TP53INP1: variants seen among roughly 807,000 people sequenced by gnomAD.
TP53INP1 encodes tumor protein p53 inducible nuclear protein 1.
TP53INP1 carries 12 observed loss-of-function variants against 21.0 expected under a neutral mutation model. That is an observed-to-expected ratio of 0.57 (90% CI 0.37 to 0.93). The LOEUF (loss-of-function observed/expected upper bound fraction) is 0.93. TP53INP1 is among the 40% of genes least tolerant of loss of function. The probability of loss-of-function intolerance (pLI) is 0.01; values close to 1 mark genes in which losing one functional copy is unlikely to be tolerated. For synonymous variants in TP53INP1, 91 were observed against 94.8 expected (o/e 0.96, Z 0.23); for missense variants, 274 against 294.7 (o/e 0.93, Z 0.51).
At chr8:94,940,795 G>A in intron 2 of TP53INP1, 35 bp downstream of exon 2, 1 of 1,510,584 alleles carries the variant, frequency 6.6e-7, no homozygotes, top group Non-Finnish European at 9.1e-7. Context: ...TTTTTACTGT[G>A]AAGATGAACC....
Position 94,940,180 on chromosome 8 carries a change from C to CTCT in TP53INP1, c.150_152dup (p.Glu52dup), listed in dbSNP as rs563445319. The CTCT allele has an allele frequency of 6.8e-6, 11 of 1,609,182 alleles. No individual in the cohort carries two copies. The highest frequency in any genetic ancestry group is 1.6e-4 in the Middle Eastern group (1 of 6,064). On this transcript the variant is annotated inframe_insertion, in exon 3 of 4. Coordinates refer to ENST00000342697, the MANE Select transcript of TP53INP1 (RefSeq NM_033285.4). ...TAGGTGACTCTTCACTGATGTCCTC[C>CTCT]TCTTCTTCTTCTTCTTCTGCTGAGA... is the stretch of plus-strand genomic sequence containing the variant.
rs534158762 is a variant in TP53INP1 at position 94,928,075 on chromosome 8, A to G, written c.*2404T>C. 7.9e-5 allele frequency: 12 copies of G among 152,296 alleles called. No homozygotes were observed. Among genetic ancestry groups the G allele is most frequent in the Admixed American group, 7.8e-4 (12 of 15,294 alleles). 9.4% of individuals were successfully genotyped at this position (152,296 alleles called of 1,614,324 possible). A position where few individuals can be genotyped will look rare whatever the true frequency, so the allele number is the denominator to read the frequency against. On this transcript the variant is annotated 3_prime_UTR_variant, in exon 4 of 4. Transcript: ENST00000342697. ...GAATTATATAACCATTTTCTTCAATACTTACATGTGCCAATTTTAGGCAGA... is the reference window on the plus strand; with the variant it reads ...GAATTATATAACCATTTTCTTCAATGCTTACATGTGCCAATTTTAGGCAGA...
At chr8:94,932,158 C>A in intron 3 of TP53INP1, 1 of 1,568,398 alleles carries the variant, frequency 6.4e-7, no homozygotes, top group Admixed American at 1.8e-5. Flanking sequence ...ATTTAAAATG[C>A]TATTGTAACT....
intron 1 of TP53INP1, among the ~76,000 whole-genome samples, chr8:94,943,330 T>A (rs531906302): frequency 9.2e-5 from 14 of 152,110 alleles, no homozygotes; most frequent in Middle Eastern, 3.4e-3. Context: ...TACAAAAAAA[T>A]TTTAAAAAAT....
chr8:94,944,479 G>A (rs1010710260), intron 1 of TP53INP1, among the ~76,000 whole-genome samples: 17 of 152,206 alleles, frequency 1.1e-4, no homozygotes, highest in African/African-American at 4.1e-4. Context: ...AGGCTTCTCT[G>A]GAGGAGCTTT....
intron 1 of TP53INP1, among the ~76,000 whole-genome samples, chr8:94,944,001 A>G (rs1821781175): frequency 6.6e-6 from 1 of 152,242 alleles, no homozygotes; most frequent in South Asian, 2.1e-4. Flanking sequence ...AAGTTATCAT[A>G]AGGTCTGATG....
At chr8:94,937,134 T>C (rs888666077) in intron 3 of TP53INP1, among the ~76,000 whole-genome samples, 5 of 152,144 alleles carry the variant, frequency 3.3e-5, no homozygotes, top group Non-Finnish European at 5.9e-5. Flanking sequence ...TGGATGTGGA[T>C]AGTTAACTGT....
At chr8:94,937,513 T>G (rs1335039736) in intron 3 of TP53INP1, among the ~76,000 whole-genome samples, 1 of 152,016 alleles carries the variant, frequency 6.6e-6, no homozygotes, top group East Asian at 1.9e-4. Context: ...CACAAGATTT[T>G]CCTGTTTTTC....
At position 94,927,225 on chromosome 8, in the gene TP53INP1, C is replaced by A. The variant is rs1289254164; in HGVS notation, c.*3254G>T. 2 of 152,530 alleles carry A rather than the reference C, an allele frequency of 1.3e-5. No individual in the cohort carries two copies. The highest frequency in any genetic ancestry group is 2.9e-5 in the Non-Finnish European group (2 of 68,014). The allele number at this position is 152,530 out of a possible 1,614,324, so 9.4% of individuals were successfully genotyped here. A position where few individuals can be genotyped will look rare whatever the true frequency, so the allele number is the denominator to read the frequency against. ...AGAGAAAATGAGAATAATGAAGATA[C>A]TCTTCCTTGCTCGTTTTTCTTAAGA... On this transcript the variant is annotated 3_prime_UTR_variant, in exon 4 of 4. Coordinates refer to ENST00000342697, the MANE Select transcript of TP53INP1 (RefSeq NM_033285.4).
intron 1 of TP53INP1, among the ~76,000 whole-genome samples, chr8:94,946,655 C>T (rs1822019192): frequency 7.8e-6 from 1 of 128,900 alleles, no homozygotes; most frequent in Non-Finnish European, 1.6e-5. Flanking sequence ...TGTGATCCCA[C>T]CACTACACTC....
At chr8:94,937,850 C>T (rs1256826764) in intron 3 of TP53INP1, among the ~76,000 whole-genome samples, 1 of 152,086 alleles carries the variant, frequency 6.6e-6, no homozygotes, top group African/African-American at 2.4e-5. Context: ...GTGGTAAAAA[C>T]AGCCTACTAA....
Position 94,930,738 on chromosome 8 carries a change from A to G in TP53INP1, c.474-10T>C. 6.2e-7 allele frequency: 1 copy of G among 1,612,786 alleles called. No individual in the cohort carries two copies. Among genetic ancestry groups the G allele is most frequent in the Non-Finnish European group, 8.5e-7 (1 of 1,179,310 alleles). On this transcript the variant is annotated splice_polypyrimidine_tract_variant and intron_variant, in intron 3 of 3. Transcript: ENST00000342697. ...ATTTTGAGCTTCCACTCTGAAACAG[A>G]AAAAAGTGGGGATGTATTAAATAAC...
At chr8:94,934,873 T>TA (rs1339607075) in intron 3 of TP53INP1, among the ~76,000 whole-genome samples, 2 of 152,184 alleles carry the variant, frequency 1.3e-5, no homozygotes, top group Non-Finnish European at 2.9e-5. Context: ...AAGTGCCAGT[T>TA]AAAGTAACAT....
At chr8:94,946,622 A>G (rs527271562) in intron 1 of TP53INP1, among the ~76,000 whole-genome samples, 1 of 143,902 alleles carries the variant, frequency 6.9e-6, no homozygotes, top group South Asian at 2.3e-4. Flanking sequence ...GCTTGAGCCC[A>G]TGAGTTTGAA....
intron 3 of TP53INP1, among the ~76,000 whole-genome samples, chr8:94,932,666 G>A (rs1820533592): frequency 6.6e-6 from 1 of 152,156 alleles, no homozygotes; most frequent in Non-Finnish European, 1.5e-5. Context: ...AGCTGGGTGC[G>A]GTGGCGGGCG....
At chr8:94,948,678 G>A (rs1352486780) in intron 1 of TP53INP1, among the ~76,000 whole-genome samples, 1 of 152,144 alleles carries the variant, frequency 6.6e-6, no homozygotes, top group Non-Finnish European at 1.5e-5. Context: ...TCGGAGATGC[G>A]TCCCGGGGGT....
In TP53INP1 at chr8:94,940,863, C is replaced by T. The variant is rs369359431; in HGVS notation, c.79G>A (p.Glu27Lys). 1.2e-6 allele frequency: 2 copies of T among 1,613,590 alleles called. No homozygotes were observed. The highest frequency in any genetic ancestry group is 1.7e-6 in the Non-Finnish European group (2 of 1,179,856). ...TCAACAAGAATCCATTCATCATCTT[C>T]TTTCTCATTGAATTCTGGTTCTTGG... ...SNQEPEFNEK[E>K]DDEWILVDFI... The change falls in exon 2 of 4, where the codon GAA (glutamate) becomes AAA (lysine). Residue 27 changes from glutamate to lysine, a missense_variant. Transcript: ENST00000342697.
At position 94,941,052 on chromosome 8, in the gene TP53INP1, C is replaced by T; in HGVS notation, c.-111G>A. 2.8e-6 allele frequency: 2 copies of T among 706,316 alleles called. No homozygotes were observed. Among genetic ancestry groups the T allele is most frequent in the Non-Finnish European group, 4.8e-6 (2 of 417,794 alleles). The allele number at this position is 706,316 out of a possible 1,614,324, so 43.8% of individuals were successfully genotyped here. ...ACAGGAGATTAAAGTGCACAGGGTG[C>T]TTATTCAACTTAGGTGAAAAGCAAG... On this transcript the variant is annotated 5_prime_UTR_variant, in exon 2 of 4. Coordinates refer to ENST00000342697, the MANE Select transcript of TP53INP1 (RefSeq NM_033285.4).
chr8:94,931,963 C>T, intron 3 of TP53INP1: 4 of 1,093,598 alleles, frequency 3.7e-6, no homozygotes, highest in Non-Finnish European at 5.3e-6. Context: ...CAGAGTGAGA[C>T]TCCATCTCAA....
Sources: allele counts gnomAD v4.1 joint callset (sites outside exome capture counted in the v4.1 genomes callset), GRCh38; gene constraint gnomAD v4.1.1; transcripts MANE v1.5; gene names NCBI Gene and HGNC (gene_info 2026-07-23, HGNC 2026-07-21).